Variants in MPRIP observed in about 807,000 individuals in gnomAD.
The protein encoded by MPRIP is myosin phosphatase Rho interacting protein.
MPRIP carries 59 observed loss-of-function variants against 234.9 expected under a neutral mutation model. The observed-to-expected ratio is 0.25, with a 90% confidence interval of 0.20 to 0.31. MPRIP has a LOEUF of 0.31. Among genes scored for constraint, MPRIP ranks in the 10% least tolerant of loss-of-function variants. The pLI is 1.00. For missense variants in MPRIP, 2,436 were observed against 3,071.0 expected, an observed-to-expected ratio of 0.79 and a Z score of 4.89; for synonymous variants, 1,144 against 1,263.9, an observed-to-expected ratio of 0.91 and a Z score of 2.01.
rs1337623714 is a variant in MPRIP, at chr17:17,185,140, G to A, written c.*246G>A. On this transcript the variant is annotated 3_prime_UTR_variant, in exon 24 of 24. Coordinates refer to ENST00000651222, the MANE Select transcript of MPRIP (RefSeq NM_001364716.4). Reference sequence around the variant, plus strand: ...GGTATTCTAAAATTAGGCCAGCAGTGGGGGCTGGGAGGGCATCTGTGTTAG... The same window carrying A: ...GGTATTCTAAAATTAGGCCAGCAGTAGGGGCTGGGAGGGCATCTGTGTTAG... 5.2e-6 allele frequency: 2 copies of A among 381,344 alleles called. No homozygotes were observed. Among genetic ancestry groups the A allele is most frequent in the African/African-American group, 2.1e-5 (1 of 47,896 alleles). 23.6% of individuals were successfully genotyped at this position (381,344 alleles called of 1,614,324 possible).
chr17:17,153,594 C>T (rs1039867078), intron 12 of MPRIP, among the ~76,000 whole-genome samples: 35 of 151,452 alleles, frequency 2.3e-4, no homozygotes, highest in African/African-American at 8.0e-4. Context: ...GCACAAGCAC[C>T]GAGGACAAGC....
chr17:17,171,660 G>C, intron 16 of MPRIP, 58 bp from the exon 17 acceptor site: 1 of 1,574,650 alleles, frequency 6.4e-7, no homozygotes, highest in Admixed American at 1.9e-5. Context: ...TTATTTAAAA[G>C]GGCCCCCAAC....
At chr17:17,120,577 G>A (rs2090370192) in intron 3 of MPRIP, among the ~76,000 whole-genome samples, 1 of 152,168 alleles carries the variant, frequency 6.6e-6, no homozygotes, top group Non-Finnish European at 1.5e-5. Flanking sequence ...CTTAGCTGGG[G>A]TAGGGTGGAG....
At chr17:17,112,807 G>A (rs1325085549) in intron 3 of MPRIP, among the ~76,000 whole-genome samples, 3 of 152,294 alleles carry the variant, frequency 2.0e-5, no homozygotes, top group South Asian at 2.1e-4. Flanking sequence ...AGGATGAGGC[G>A]GCCCTCAGGC....
Position 17,136,126 on chromosome 17 carries a change from G to A in MPRIP, c.505-93G>A, listed in dbSNP as rs528327703. ...GCCCCTGACATTGTGTAGCTGGCCC[G>A]GGTGCCCCCTATAGCTAGGCAGCCA... On this transcript the variant is annotated intron_variant, in intron 5 of 23. Transcript: ENST00000651222. 94 of 1,346,286 alleles carry A rather than the reference G, an allele frequency of 7.0e-5. No homozygotes were observed. In the East Asian group the frequency reaches 1.8e-3, roughly 26 times the overall value. 83.4% of individuals were successfully genotyped at this position (1,346,286 alleles called of 1,614,324 possible).
chr17:17,087,538 T>TG (rs1431404967), intron 3 of MPRIP, among the ~76,000 whole-genome samples: 1 of 152,202 alleles, frequency 6.6e-6, no homozygotes, highest in Admixed American at 6.5e-5. Context: ...CAGGTCACCC[T>TG]GGGTCATTCT....
At chr17:17,081,372 C>T (rs900722536) in intron 3 of MPRIP, among the ~76,000 whole-genome samples, 1 of 152,178 alleles carries the variant, frequency 6.6e-6, no homozygotes, top group African/African-American at 2.4e-5. Flanking sequence ...TTTGTAAATG[C>T]CTTGCTGCGT....
chr17:17,143,028 A>T (rs2045364370), intron 8 of MPRIP, among the ~76,000 whole-genome samples: 1 of 152,148 alleles, frequency 6.6e-6, no homozygotes, highest in South Asian at 2.1e-4. Context: ...CCTATCTGAG[A>T]CAGCCCAGCA....
chr17:17,060,523 G>A (rs927434035), intron 1 of MPRIP, among the ~76,000 whole-genome samples: 1 of 152,240 alleles, frequency 6.6e-6, no homozygotes, highest in African/African-American at 2.4e-5. Flanking sequence ...AGACCACTGA[G>A]TCTCTGTGTG....
In MPRIP at chr17:17,103,677, CT is replaced by C. The variant is rs1297173750; in HGVS notation, c.268-23021del. Among the ~76,000 whole-genome samples the C allele has an allele frequency of 4.6e-5, 7 of 152,282 alleles. No individual in the cohort carries two copies. The South Asian group carries it at 1.4e-3, about 32-fold the overall frequency. ...GGTTCCTTCCTAATAAGATCTCCCC[CT>C]TTTATCTGCTATATCAGGACATCAG... On this transcript the variant is annotated intron_variant, in intron 3 of 23. Coordinates refer to ENST00000651222, the MANE Select transcript of MPRIP (RefSeq NM_001364716.4).
At chr17:17,133,368 G>A (rs940292850) in intron 5 of MPRIP, among the ~76,000 whole-genome samples, 2 of 152,178 alleles carry the variant, frequency 1.3e-5, no homozygotes, top group Admixed American at 6.5e-5. Flanking sequence ...TCAGTCTTGT[G>A]GGGTGACGTG....
chr17:17,129,422 G>A (rs1203998999), intron 4 of MPRIP, among the ~76,000 whole-genome samples: 2 of 152,194 alleles, frequency 1.3e-5, no homozygotes, highest in Admixed American at 6.5e-5. Flanking sequence ...ACATCTGGAT[G>A]ATGTTAGACG....
At chr17:17,083,383 G>T (rs1402401938) in intron 3 of MPRIP, among the ~76,000 whole-genome samples, 1 of 152,158 alleles carries the variant, frequency 6.6e-6, no homozygotes, top group African/African-American at 2.4e-5. Flanking sequence ...TTAGGATTCT[G>T]GTTTATTTTG....
intron 10 of MPRIP, among the ~76,000 whole-genome samples, 173 bp downstream of exon 10, chr17:17,146,265 G>A (rs1038755476): frequency 3.3e-5 from 5 of 152,196 alleles, no homozygotes; most frequent in Admixed American, 2.0e-4. Flanking sequence ...AGAAGTGCAG[G>A]CACACAGCCT....
rs571416061 is a variant in MPRIP, at chr17:17,091,514, A to T, written c.267+13438A>T. Among the ~76,000 whole-genome samples, 10 of 152,252 alleles carry T rather than the reference A, an allele frequency of 6.6e-5. No individual in the cohort carries two copies. In the South Asian group the frequency reaches 2.1e-3, roughly 32 times the overall value. ...CACTCCTCAAGGCTCAGCCCAGCAG[A>T]TGCTCTCGTGCGTATTAGGTGCTGG... On this transcript the variant is annotated intron_variant, in intron 3 of 23. Transcript: ENST00000651222.
At chr17:17,059,408 G>C (rs2088804713) in intron 1 of MPRIP, among the ~76,000 whole-genome samples, 1 of 152,226 alleles carries the variant, frequency 6.6e-6, no homozygotes, top group African/African-American at 2.4e-5. Context: ...CACCTTTGCA[G>C]ACCACTGGTC....
At chr17:17,055,861 C>T (rs1268878582) in intron 1 of MPRIP, among the ~76,000 whole-genome samples, 1 of 152,202 alleles carries the variant, frequency 6.6e-6, no homozygotes, top group Non-Finnish European at 1.5e-5. Flanking sequence ...GTATTCATAG[C>T]TGACAGGAAT....
Position 17,190,025 on chromosome 17 carries a change from C to CT in MPRIP, c.*5132dup, listed in dbSNP as rs1267883405. On this transcript the variant is annotated 3_prime_UTR_variant, in exon 24 of 24. Transcript: ENST00000651222. The stretch of plus-strand genomic sequence containing the variant: ...TTTCACCTTCCTGGGCTTTCCTGCC[C>CT]TCCAGCATTCTTCTCTAGAGAGGTT... 1.3e-5 allele frequency: 2 copies of CT among 152,230 alleles called. No individual in the cohort carries two copies. The highest frequency in any genetic ancestry group is 2.4e-5 in the African/African-American group (1 of 41,446). 9.4% of individuals were successfully genotyped at this position (152,230 alleles called of 1,614,324 possible).
At chr17:17,107,187 G>C (rs2090079515) in intron 3 of MPRIP, among the ~76,000 whole-genome samples, 1 of 152,350 alleles carries the variant, frequency 6.6e-6, no homozygotes, top group East Asian at 1.9e-4. Context: ...TTAGAGTGAG[G>C]GGGTGGATTG....
Sources: allele counts gnomAD v4.1 joint callset (sites outside exome capture counted in the v4.1 genomes callset), GRCh38; gene constraint gnomAD v4.1.1; transcripts MANE v1.5; gene names NCBI Gene and HGNC (gene_info 2026-07-23, HGNC 2026-07-21).